The following SLC3A1 variants were observed in gnomAD, a reference collection of about 807,000 sequenced individuals.
SLC3A1 encodes solute carrier family 3 member 1.
Under a neutral mutation model 60.3 loss-of-function variants are expected in SLC3A1, and 78 were observed. That is an observed-to-expected ratio of 1.29 (90% confidence interval 1.08 to 1.56). The LOEUF (loss-of-function observed/expected upper bound fraction) is 1.56, where lower values mean the gene tolerates loss of function less well. Ranked by LOEUF, SLC3A1 falls within the 40% of genes most tolerant of loss-of-function variation. The pLI, the probability that SLC3A1 is intolerant of heterozygous loss-of-function variation, is 0.00. For missense variants in SLC3A1, 1,172 were observed against 858.9 expected, an observed-to-expected ratio of 1.36 and a Z score of -4.56; for synonymous variants, 392 against 307.9, an observed-to-expected ratio of 1.27 and a Z score of -2.86.
chr2:44,312,588 T>C lies in SLC3A1; in HGVS notation c.1335T>C (p.Ile445=). 1 of 1,613,870 alleles carries C rather than the reference T, an allele frequency of 6.2e-7. No homozygotes were observed. Among genetic ancestry groups the C allele is most frequent in the East Asian group, 2.2e-5 (1 of 44,878 alleles). ...TCTTAAAAATATCTGCCTTTCAGAT[T>C]GGTGGACCAGACAGTTCACGGCTGA... ...MPEGKWPNWM[I]GGPDSSRLTS... is the part of the protein sequence containing the mutation. Residue 445 remains isoleucine (I), a splice_region_variant and synonymous_variant, in exon 8 of 10, where the codon ATT becomes ATC. Transcript: ENST00000260649.
Position 44,275,503 on chromosome 2 carries a change from G to C in SLC3A1, c.-33G>C. ...CCACTCTTCCACCTCCCTTACTGCAGGAAGGCACTCCGAAGACATAAGTCG... is the reference window on the plus strand; with the variant it reads ...CCACTCTTCCACCTCCCTTACTGCACGAAGGCACTCCGAAGACATAAGTCG... On this transcript the variant is annotated 5_prime_UTR_variant, in exon 1 of 10. Coordinates refer to ENST00000260649, the MANE Select transcript of SLC3A1 (RefSeq NM_000341.4). The C allele has an allele frequency of 6.3e-7, 1 of 1,593,460 alleles. No individual in the cohort carries two copies. The highest frequency in any genetic ancestry group is 8.6e-7 in the Non-Finnish European group (1 of 1,163,380).
At chr2:44,310,540 A>G (rs1672268925) in intron 7 of SLC3A1, among the ~76,000 whole-genome samples, 1 of 151,942 alleles carries the variant, frequency 6.6e-6, no homozygotes, top group South Asian at 2.1e-4. Context: ...TGATGTACCA[A>G]TTTTCTTTGC....
Position 44,320,705 on chromosome 2 carries a change from A to ATGC in SLC3A1, c.*68_*69insCTG. 1 of 1,170,630 alleles carries ATGC rather than the reference A, an allele frequency of 8.5e-7. No homozygotes were observed. The highest frequency in any genetic ancestry group is 1.3e-6 in the Non-Finnish European group (1 of 777,734). The allele number at this position is 1,170,630 out of a possible 1,614,324, so 72.5% of individuals were successfully genotyped here. ...GATTGTAAGCATTTGTAATAGCTTC[A>ATGC]TGTACAGCATGCTGCTTGGTGAACA... On this transcript the variant is annotated 3_prime_UTR_variant, in exon 10 of 10. Coordinates refer to ENST00000260649, the MANE Select transcript of SLC3A1 (RefSeq NM_000341.4).
rs1671963781 is a variant in SLC3A1, at chr2:44,300,065, T to C, written c.986T>C (p.Ile329Thr). 6.2e-7 allele frequency: 1 copy of C among 1,613,892 alleles called. No homozygotes were observed. The highest frequency in any genetic ancestry group is 1.3e-5 in the African/African-American group (1 of 74,910). The change falls in exon 5 of 10, where the codon ATC becomes ACC. Residue 329 changes from isoleucine (I) to threonine (T), a missense_variant. Coordinates refer to ENST00000260649, the MANE Select transcript of SLC3A1 (RefSeq NM_000341.4). ...LLEAKHLRDE[I>T]QVNKTQIPDT... ...GAAGCAAAGCACCTGAGAGATGAGA[T>C]CCAAGTAAATAAGACCCAAATCCCG...
intron 9 of SLC3A1, among the ~76,000 whole-genome samples, chr2:44,315,678 A>G (rs550847711): frequency 3.6e-5 from 5 of 140,082 alleles, no homozygotes; most frequent in African/African-American, 1.3e-4. Flanking sequence ...AAAAAAAAGC[A>G]GAGAATAGAA....
At chr2:44,320,035 T>C (rs1672790575) in intron 9 of SLC3A1, 164 bp from the exon 10 acceptor site, 2 of 622,000 alleles carry the variant, frequency 3.2e-6, no homozygotes, top group Non-Finnish European at 5.6e-6. Context: ...TCAGTTTTTA[T>C]ATAAATTGTT....
chr2:44,298,947 T>C (rs941125134), intron 4 of SLC3A1, among the ~76,000 whole-genome samples: 6 of 151,868 alleles, frequency 4.0e-5, no homozygotes, highest in African/African-American at 1.5e-4. Context: ...ATTAAATGTA[T>C]GAGAACCTGG....
At chr2:44,298,427 G>T (rs1671912034) in intron 4 of SLC3A1, among the ~76,000 whole-genome samples, 1 of 152,064 alleles carries the variant, frequency 6.6e-6, no homozygotes, top group African/African-American at 2.4e-5. Flanking sequence ...CACCCAGGCT[G>T]GAGTGCAGTG....
chr2:44,310,795 T>C (rs1177852417), intron 7 of SLC3A1, among the ~76,000 whole-genome samples: 1 of 151,460 alleles, frequency 6.6e-6, no homozygotes, highest in African/African-American at 2.4e-5. Flanking sequence ...CACAGGTCTC[T>C]GAGAGTCTGG....
intron 4 of SLC3A1, among the ~76,000 whole-genome samples, chr2:44,287,303 G>C (rs1271810629): frequency 6.6e-6 from 1 of 152,130 alleles, no homozygotes; most frequent in Non-Finnish European, 1.5e-5. Context: ...ATGAGATGCT[G>C]TTTGGACAAA....
chr2:44,316,749 C>T (rs1672474390), intron 9 of SLC3A1, among the ~76,000 whole-genome samples: 1 of 152,208 alleles, frequency 6.6e-6, no homozygotes, highest in African/African-American at 2.4e-5. Flanking sequence ...CATTAGAACT[C>T]TATCTTCAAA....
At chr2:44,311,489 T>C (rs1200512507) in intron 7 of SLC3A1, among the ~76,000 whole-genome samples, 1 of 152,156 alleles carries the variant, frequency 6.6e-6, no homozygotes, top group Non-Finnish European at 1.5e-5. Flanking sequence ...ACATTTTAAG[T>C]AGTATGACAA....
At chr2:44,302,250 G>A (rs959506600) in intron 6 of SLC3A1, among the ~76,000 whole-genome samples, 4 of 152,124 alleles carry the variant, frequency 2.6e-5, no homozygotes, top group Non-Finnish European at 4.4e-5. Flanking sequence ...ATTAACATAA[G>A]TCTCAGTTGT....
In SLC3A1 at chr2:44,299,869, AT is replaced by A. The variant is rs3832052; in HGVS notation, c.892-101del. The stretch of plus-strand genomic sequence containing the variant: ...TACTGTGCTTGTTCTGTATGTAGAT[AT>A]CTGTTTTATGATGCCAAGTTGTTAA... On this transcript the variant is annotated intron_variant, in intron 4 of 9. Transcript: ENST00000260649. 7 of 1,150,420 alleles carry A rather than the reference AT, an allele frequency of 6.1e-6. No homozygotes were observed. The East Asian group carries it at 1.6e-4, about 27-fold the overall frequency. 71.3% of individuals were successfully genotyped at this position (1,150,420 alleles called of 1,614,324 possible). A position where few individuals can be genotyped will look rare whatever the true frequency, so the allele number is the denominator to read the frequency against.
intron 9 of SLC3A1, chr2:44,316,334 A>T (rs1335414968): frequency 1.3e-5 from 2 of 152,226 alleles, no homozygotes; most frequent in African/African-American, 4.8e-5. Flanking sequence ...TCTTTCAAGA[A>T]GTGATTAGAT....
chr2:44,303,827 G>A (rs563994059), intron 6 of SLC3A1: 28 of 510,632 alleles, frequency 5.5e-5, no homozygotes, highest in African/African-American at 3.5e-4. Flanking sequence ...GAGAACATGC[G>A]GTGTTTGGTT....
intron 8 of SLC3A1, among the ~76,000 whole-genome samples, chr2:44,313,624 C>G (rs1381624796): frequency 1.3e-5 from 2 of 152,198 alleles, no homozygotes; most frequent in East Asian, 3.9e-4. Context: ...ATTGTCTATT[C>G]AAACTCAAAA....
rs192275789 is a variant in SLC3A1 at position 44,310,447 on chromosome 2, T to C, written c.1333-2139T>C. ...TTTACAGTTCTTTCTTTCATCACTTTGAATATGTCATCCCATTGCCCTCTG... is the reference window on the plus strand; with the variant it reads ...TTTACAGTTCTTTCTTTCATCACTTCGAATATGTCATCCCATTGCCCTCTG... On this transcript the variant is annotated intron_variant, in intron 7 of 9. Transcript: ENST00000260649. 2.1e-3 allele frequency among the ~76,000 whole-genome samples: 313 copies of C among 152,362 alleles called. 1 individual carries two copies. Among genetic ancestry groups the C allele is most frequent in the African/African-American group, 7.1e-3 (294 of 41,590 alleles).
At chr2:44,303,042 C>T (rs376936559) in intron 6 of SLC3A1, among the ~76,000 whole-genome samples, 31 of 151,520 alleles carry the variant, frequency 2.0e-4, no homozygotes, top group East Asian at 1.2e-3. Flanking sequence ...CTACTAAAAA[C>T]ACAAAAAAAT....
Sources: allele counts gnomAD v4.1 joint callset (sites outside exome capture counted in the v4.1 genomes callset), GRCh38; gene constraint gnomAD v4.1.1; transcripts MANE v1.5; gene names NCBI Gene and HGNC (gene_info 2026-07-23, HGNC 2026-07-21).